The following TMEM178B variants were observed in gnomAD, a reference collection of about 807,000 sequenced individuals.
TMEM178B encodes the protein transmembrane protein 178B.
TMEM178B carries 5 observed loss-of-function variants against 31.0 expected under a neutral mutation model. The observed-to-expected ratio is 0.16, with a 90% CI of 0.08 to 0.34. The LOEUF (loss-of-function observed/expected upper bound fraction) is 0.34. Among genes scored for constraint, TMEM178B ranks in the 10% least tolerant of loss-of-function variants. TMEM178B has a pLI of 1.00. For synonymous variants in TMEM178B, 164 were observed against 164.0 expected, an observed-to-expected ratio of 1.00 and a Z score of 0.00; for missense variants, 275 against 400.3, an observed-to-expected ratio of 0.69 and a Z score of 2.67.
the TMEM178B span, among the ~76,000 whole-genome samples, chr7:141,489,873 A>G: frequency 7.2e-5 from 11 of 152,220 alleles, no homozygotes; most frequent in African/African-American, 2.7e-4. Context: ...AACCTGGACA[A>G]TATTCACAGT....
At chr7:141,263,359 A>G (rs916630908) in intron 2 of TMEM178B, among the ~76,000 whole-genome samples, 1 of 152,124 alleles carries the variant, frequency 6.6e-6, no homozygotes, top group African/African-American at 2.4e-5. Context: ...GATGGGATAC[A>G]TGGGCACAGG....
chr7:141,139,674 A>G lies in TMEM178B; in HGVS notation c.382+64982A>G, dbSNP rs117362451. Among the ~76,000 whole-genome samples the G allele has an allele frequency of 1.2e-3, 178 of 152,156 alleles. 1 individual carries two copies. The East Asian group carries it at 0.03, about 25-fold the overall frequency. On this transcript the variant is annotated intron_variant, in intron 1 of 3. Coordinates refer to ENST00000565468, the MANE Select transcript of TMEM178B (RefSeq NM_001195278.2). ...TGCTTTTATGAAATGAATGATTGTAATTTCCATAGTTGCACAAACATTGCT... is the reference window on the plus strand; with the variant it reads ...TGCTTTTATGAAATGAATGATTGTAGTTTCCATAGTTGCACAAACATTGCT...
chr7:141,485,645 A>G, the TMEM178B span, among the ~76,000 whole-genome samples: 3 of 152,250 alleles, frequency 2.0e-5, no homozygotes, highest in Admixed American at 6.5e-5. Context: ...GATCCTTCAT[A>G]AAGAATACCA....
chr7:141,411,844 G>C lies in TMEM178B; in HGVS notation c.497-25764G>C, dbSNP rs115162387. Among the ~76,000 whole-genome samples, 408 of 152,322 alleles carry C rather than the reference G, an allele frequency of 2.7e-3. 1 individual carries two copies. Among genetic ancestry groups the C allele is most frequent in the African/African-American group, 7.1e-3 (295 of 41,570 alleles). On this transcript the variant is annotated intron_variant, in intron 2 of 3. Coordinates refer to ENST00000565468, the MANE Select transcript of TMEM178B (RefSeq NM_001195278.2). Reference sequence around the variant, plus strand: ...AGGAATCCAGCATCTTTTGATTCTTGTGGGTTGTATTGGTGAGTCTGTTTC... The same window carrying C: ...AGGAATCCAGCATCTTTTGATTCTTCTGGGTTGTATTGGTGAGTCTGTTTC...
intron 2 of TMEM178B, among the ~76,000 whole-genome samples, chr7:141,232,290 T>C (rs1197333257): frequency 1.3e-5 from 2 of 152,226 alleles, no homozygotes; most frequent in African/African-American, 4.8e-5. Flanking sequence ...TGTATCCTTA[T>C]AATAGAAGAT....
At chr7:141,341,549 C>T (rs1230824060) in intron 2 of TMEM178B, among the ~76,000 whole-genome samples, 3 of 152,308 alleles carry the variant, frequency 2.0e-5, no homozygotes, top group Non-Finnish European at 2.9e-5. Context: ...TCAGCTCCCC[C>T]TGAGGAAGAT....
chr7:141,506,030 C>G, the TMEM178B span, among the ~76,000 whole-genome samples: 2 of 152,226 alleles, frequency 1.3e-5, no homozygotes, highest in African/African-American at 4.8e-5. Context: ...GCAGATGACT[C>G]TGGGTCATCT....
chr7:141,498,105 C>G, the TMEM178B span, among the ~76,000 whole-genome samples: 13 of 152,182 alleles, frequency 8.5e-5, no homozygotes, highest in African/African-American at 3.1e-4. Context: ...AGCTTATGGA[C>G]TTTTGGAGTT....
At chr7:141,220,360 AAAATAATAAATG>A (rs1272789338) in intron 2 of TMEM178B, among the ~76,000 whole-genome samples, 4 of 139,702 alleles carry the variant, frequency 2.9e-5, no homozygotes, top group African/African-American at 1.2e-4. Context: ...TAATAATAAT[AAAATAATAAATG>A]CATGTGCATG....
intron 3 of TMEM178B, among the ~76,000 whole-genome samples, chr7:141,438,860 A>G (rs1448404582): frequency 7.2e-6 from 1 of 138,778 alleles, no homozygotes; most frequent in Non-Finnish European, 1.6e-5. Context: ...TTGGTGATAG[A>G]GCAAGATTCC....
intron 2 of TMEM178B, among the ~76,000 whole-genome samples, chr7:141,241,706 C>T (rs1357632839): frequency 3.9e-5 from 6 of 151,958 alleles, no homozygotes; most frequent in African/African-American, 9.7e-5. Flanking sequence ...AAAGGAGCTT[C>T]GCTTTGCTTC....
chr7:141,306,461 C>G (rs66498726), intron 2 of TMEM178B, among the ~76,000 whole-genome samples: 24,759 of 152,044 alleles, frequency 0.16, 2,294 homozygotes, highest in African/African-American at 0.23. Flanking sequence ...AAAAGGTGTC[C>G]GCTTTCTGAG....
intron 3 of TMEM178B, among the ~76,000 whole-genome samples, chr7:141,439,843 A>G (rs1801625832): frequency 6.6e-6 from 1 of 152,148 alleles, no homozygotes; most frequent in Non-Finnish European, 1.5e-5. Flanking sequence ...CCCTCTCTTC[A>G]TGCCAGGCAC....
chr7:141,474,570 C>CAA lies in TMEM178B; in HGVS notation c.*3786_*3787dup, dbSNP rs1802324255. 1 of 152,218 alleles carries CAA rather than the reference C, an allele frequency of 6.6e-6. No homozygotes were observed. Among genetic ancestry groups the CAA allele is most frequent in the South Asian group, 2.1e-4 (1 of 4,828 alleles). The allele number at this position is 152,218 out of a possible 1,614,324, so 9.4% of individuals were successfully genotyped here. A position where few individuals can be genotyped will look rare whatever the true frequency, so the allele number is the denominator to read the frequency against. Reference sequence around the variant, plus strand: ...AGTCACAGAGACTGGACAACTCCTCCAAATCTAGACAAAGACTTTCTTAAG... The same window carrying CAA: ...AGTCACAGAGACTGGACAACTCCTCCAAAAATCTAGACAAAGACTTTCTTAAG... On this transcript the variant is annotated 3_prime_UTR_variant, in exon 4 of 4. Transcript: ENST00000565468.
At chr7:141,213,691 A>G (rs777178087) in intron 2 of TMEM178B, among the ~76,000 whole-genome samples, 6 of 152,246 alleles carry the variant, frequency 3.9e-5, no homozygotes, top group Non-Finnish European at 5.9e-5. Context: ...TTTTTCGTCG[A>G]TTAGGCCCAC....
chr7:141,317,598 A>G (rs2116468284), intron 2 of TMEM178B, among the ~76,000 whole-genome samples: 1 of 152,326 alleles, frequency 6.6e-6, no homozygotes, highest in South Asian at 2.1e-4. Context: ...TGGGGCCAAA[A>G]TGCTGAGGAT....
intron 2 of TMEM178B, among the ~76,000 whole-genome samples, chr7:141,233,246 T>C (rs1381276138): frequency 6.6e-6 from 1 of 152,236 alleles, no homozygotes. Flanking sequence ...AATCCCAATG[T>C]CTGGTATGAT....
chr7:141,310,236 G>GA (rs1175659456), intron 2 of TMEM178B, among the ~76,000 whole-genome samples: 1 of 151,726 alleles, frequency 6.6e-6, no homozygotes, highest in Non-Finnish European at 1.5e-5. Flanking sequence ...AAATTTACAA[G>GA]AAAAAAACAG....
chr7:141,449,936 A>G (rs188808966), intron 3 of TMEM178B, among the ~76,000 whole-genome samples: 1 of 152,358 alleles, frequency 6.6e-6, no homozygotes, highest in East Asian at 1.9e-4. Context: ...ATCTATGAAC[A>G]TAGTGCCTGA....
Sources: gnomAD v4.1 joint callset for allele counts (sites outside exome capture counted in the v4.1 genomes callset) on GRCh38, gnomAD v4.1.1 for gene constraint, MANE v1.5 for transcripts, NCBI Gene and HGNC (gene_info 2026-07-23, HGNC 2026-07-21) for gene names.